The following NAV2 variants were observed in gnomAD, a reference collection of about 807,000 sequenced individuals.
NAV2 encodes the protein helicase, APC down-regulated 1.
In NAV2, 54 loss-of-function variants were observed where a neutral mutation model predicts 223.2. The ratio of observed to expected loss-of-function variants is 0.24; its 90% CI spans 0.19 to 0.30. The LOEUF is 0.30. Among genes scored for constraint, NAV2 ranks in the 10% least tolerant of loss-of-function variants. The pLI is 1.00. For missense variants in NAV2, 2,806 were observed against 3,147.5 expected (o/e 0.89, Z 2.60); for synonymous variants, 1,279 against 1,239.3 (o/e 1.03, Z -0.67).
At chr11:19,735,125 T>C (rs1241764106) in intron 1 of NAV2, among the ~76,000 whole-genome samples, 2 of 152,192 alleles carry the variant, frequency 1.3e-5, no homozygotes, top group Admixed American at 6.5e-5. Context: ...ACATATCACA[T>C]AGTAGGTACT....
In NAV2 at chr11:19,945,151, G is replaced by T. The variant is rs1277577275; in HGVS notation, c.2147-1250G>T. 4.0e-3 allele frequency among the ~76,000 whole-genome samples: 252 copies of T among 63,418 alleles called. 1 individual carries two copies. The highest frequency in any genetic ancestry group is 0.011 in the African/African-American group (200 of 17,654). The allele number at this position is 63,418 out of a possible 152,430, so 41.6% of individuals were successfully genotyped here. On this transcript the variant is annotated intron_variant, in intron 8 of 37. Transcript: ENST00000349880. ...TTTCTTTCTTTCTTCCTTTCTTTCT[G>T]TCTCCCTTCCCTTCCCTTCCCTTCC...
chr11:20,000,033 T>C (rs1281973590), intron 11 of NAV2, among the ~76,000 whole-genome samples: 1 of 152,188 alleles, frequency 6.6e-6, no homozygotes, highest in African/African-American at 2.4e-5. Context: ...CCCCTTCTCT[T>C]TGTGATCTGC....
chr11:19,916,517 G>C (rs969034019), intron 6 of NAV2, among the ~76,000 whole-genome samples: 5 of 152,216 alleles, frequency 3.3e-5, no homozygotes, highest in African/African-American at 1.2e-4. Context: ...TGTCTTTGCA[G>C]TAACAACTGT....
intron 1 of NAV2, among the ~76,000 whole-genome samples, chr11:19,545,391 C>T (rs2044466354): frequency 6.6e-6 from 1 of 152,160 alleles, no homozygotes; most frequent in Non-Finnish European, 1.5e-5. Flanking sequence ...TGCATGTGGC[C>T]TCTAAGGACG....
intron 1 of NAV2, among the ~76,000 whole-genome samples, chr11:19,586,854 GT>G (rs1477407533): frequency 6.6e-6 from 1 of 152,228 alleles, no homozygotes; most frequent in Admixed American, 6.5e-5. Flanking sequence ...CAGTCTGTCT[GT>G]TCTCAGATCT....
intron 3 of NAV2, among the ~76,000 whole-genome samples, chr11:19,864,982 A>G (rs571741169): frequency 6.6e-6 from 1 of 152,196 alleles, no homozygotes; most frequent in Non-Finnish European, 1.5e-5. Context: ...ACCCATTTCT[A>G]TGGCAACAAC....
chr11:19,416,978 A>G (rs1850398670), intron 1 of NAV2, among the ~76,000 whole-genome samples: 1 of 152,264 alleles, frequency 6.6e-6, no homozygotes, highest in Non-Finnish European at 1.5e-5. Flanking sequence ...CGTAAGATCT[A>G]AAACCATAAA....
At chr11:19,439,102 C>T (rs1182342309) in intron 1 of NAV2, among the ~76,000 whole-genome samples, 1 of 152,110 alleles carries the variant, frequency 6.6e-6, no homozygotes, top group Non-Finnish European at 1.5e-5. Flanking sequence ...AGGGTCACCT[C>T]ATTATCATAA....
At position 19,977,962 on chromosome 11, in the gene NAV2, G is replaced by A. The variant is rs777360895; in HGVS notation, c.2646-6163G>A. ...TGGGATTACAGGCGCCTGCCACCACGCCCAGCTCATTTTGTTTTTTTTTGT... is the reference window on the plus strand; with the variant it reads ...TGGGATTACAGGCGCCTGCCACCACACCCAGCTCATTTTGTTTTTTTTTGT... On this transcript the variant is annotated intron_variant, in intron 10 of 37. Transcript: ENST00000349880. Among the ~76,000 whole-genome samples, 77 of 148,422 alleles carry A rather than the reference G, an allele frequency of 5.2e-4. 2 individuals carry two copies. Among genetic ancestry groups the A allele is most frequent in the Non-Finnish European group, 1.5e-4 (10 of 67,116 alleles).
At chr11:20,105,769 C>A in intron 35 of NAV2, 42 bp downstream of exon 35, 1 of 1,514,450 alleles carries the variant, frequency 6.6e-7, no homozygotes, top group Non-Finnish European at 9.1e-7. Context: ...CTGGCATCCT[C>A]AGGTGCCCAT....
At chr11:19,450,810 T>A (rs1692943231) in intron 1 of NAV2, among the ~76,000 whole-genome samples, 1 of 152,202 alleles carries the variant, frequency 6.6e-6, no homozygotes, top group African/African-American at 2.4e-5. Flanking sequence ...TGGATTTTCT[T>A]CCCTACAGAA....
At chr11:19,377,625 G>T (rs943836215) in intron 1 of NAV2, among the ~76,000 whole-genome samples, 10 of 152,160 alleles carry the variant, frequency 6.6e-5, no homozygotes, top group African/African-American at 2.4e-4. Flanking sequence ...AGGGGGAATT[G>T]TGGACTTGGC....
At chr11:19,956,391 C>G (rs1284389404) in intron 10 of NAV2, among the ~76,000 whole-genome samples, 1 of 141,822 alleles carries the variant, frequency 7.1e-6, no homozygotes, top group African/African-American at 2.8e-5. Context: ...CACACACACA[C>G]ACACGCTCTC....
intron 6 of NAV2, among the ~76,000 whole-genome samples, chr11:19,927,471 ACT>A: frequency 6.6e-6 from 1 of 152,216 alleles, no homozygotes; most frequent in Non-Finnish European, 1.5e-5. Flanking sequence ...AATCCCAGCT[ACT>A]CAGGAGGCTG....
chr11:19,776,886 C>T (rs2056268396), intron 1 of NAV2, among the ~76,000 whole-genome samples: 1 of 152,000 alleles, frequency 6.6e-6, no homozygotes, highest in South Asian at 2.1e-4. Context: ...GCCCCTTCCC[C>T]CGGCCTCACC....
At chr11:20,001,337 C>T (rs377429622) in intron 11 of NAV2, among the ~76,000 whole-genome samples, 128 of 152,236 alleles carry the variant, frequency 8.4e-4, no homozygotes, top group African/African-American at 3.0e-3. Flanking sequence ...TCTTTACCTT[C>T]TTTTTTCCTA....
intron 1 of NAV2, among the ~76,000 whole-genome samples, chr11:19,407,458 G>A (rs563335351): frequency 6.6e-6 from 1 of 152,214 alleles, no homozygotes; most frequent in Non-Finnish European, 1.5e-5. Flanking sequence ...TATAGCCCGA[G>A]GGTGGAATAC....
At chr11:20,065,663 T>C (rs2058998126) in intron 20 of NAV2, among the ~76,000 whole-genome samples, 1 of 152,132 alleles carries the variant, frequency 6.6e-6, no homozygotes, top group African/African-American at 2.4e-5. Context: ...CTGCTGTTGA[T>C]AATTGGGGCC....
At chr11:19,348,071 T>C (rs1381686505), upstream of NAV2, among the ~76,000 whole-genome samples, 1 of 152,188 alleles carries the variant, frequency 6.6e-6, no homozygotes, top group African/African-American at 2.4e-5. Context: ...CAGGAGGTGT[T>C]GAACATCCTC....
Sources: gnomAD v4.1 joint callset for allele counts (sites outside exome capture counted in the v4.1 genomes callset) on GRCh38, gnomAD v4.1.1 for gene constraint, MANE v1.5 for transcripts, NCBI Gene and HGNC (gene_info 2026-07-23, HGNC 2026-07-21) for gene names.